PTPRD: variants seen among roughly 807,000 people sequenced by gnomAD.
PTPRD encodes the protein receptor-type tyrosine-protein phosphatase delta.
A neutral mutation model predicts 214.5 loss-of-function variants in PTPRD; 34 were observed. That is an observed-to-expected ratio of 0.16 (90% CI 0.12 to 0.21). PTPRD has a LOEUF of 0.21. Ranked by LOEUF, PTPRD falls within the 10% of genes least tolerant of loss-of-function variation. The probability of loss-of-function intolerance (pLI) is 1.00; values close to 1 mark genes in which losing one functional copy is unlikely to be tolerated. For missense variants in PTPRD, 2,545 were observed against 2,398.7 expected (o/e 1.06, Z -1.27); for synonymous variants, 1,128 against 845.7 (o/e 1.33, Z -5.79).
At chr9:10,201,595 T>A (rs2099422970) in intron 3 of PTPRD, among the ~76,000 whole-genome samples, 1 of 151,596 alleles carries the variant, frequency 6.6e-6, no homozygotes. Context: ...TGTGTGTGCA[T>A]GTGTGTGTGT....
chr9:10,567,852 C>G (rs1292867316), intron 2 of PTPRD, among the ~76,000 whole-genome samples: 1 of 151,392 alleles, frequency 6.6e-6, no homozygotes, highest in Non-Finnish European at 1.5e-5. Context: ...CATTAATTTT[C>G]ATTAAATTAT....
chr9:10,379,572 A>T (rs2097783899), intron 2 of PTPRD, among the ~76,000 whole-genome samples: 1 of 152,074 alleles, frequency 6.6e-6, no homozygotes, highest in South Asian at 2.1e-4. Flanking sequence ...ATACTATATT[A>T]CTAGCATGAA....
At chr9:9,855,118 G>C (rs946611168) in intron 5 of PTPRD, among the ~76,000 whole-genome samples, 1 of 152,156 alleles carries the variant, frequency 6.6e-6, no homozygotes, top group East Asian at 1.9e-4. Flanking sequence ...TCAACCTACT[G>C]TCATCATTCA....
intron 3 of PTPRD, among the ~76,000 whole-genome samples, chr9:10,285,540 C>T (rs1417366341): frequency 1.3e-5 from 2 of 151,634 alleles, no homozygotes; most frequent in Non-Finnish European, 2.9e-5. Flanking sequence ...TTGGGTTGAA[C>T]CCCAGTGCCA....
At chr9:8,641,471 G>C (rs2096574708) in intron 12 of PTPRD, among the ~76,000 whole-genome samples, 1 of 148,564 alleles carries the variant, frequency 6.7e-6, no homozygotes, top group Non-Finnish European at 1.5e-5. Flanking sequence ...TTGTGCTCAA[G>C]TTGGTTTTGA....
chr9:9,132,198 A>AG (rs35626371), intron 10 of PTPRD, among the ~76,000 whole-genome samples: 1 of 152,006 alleles, frequency 6.6e-6, no homozygotes, highest in Non-Finnish European at 1.5e-5. Context: ...TTTGGTAGAG[A>AG]GGGGGTTTCA....
intron 5 of PTPRD, among the ~76,000 whole-genome samples, chr9:9,898,787 C>T (rs1407791821): frequency 6.6e-6 from 1 of 152,038 alleles, no homozygotes; most frequent in Non-Finnish European, 1.5e-5. Context: ...GGTCCTCTGA[C>T]CTCCTTTATT....
chr9:10,297,387 T>C (rs2095711643), intron 3 of PTPRD, among the ~76,000 whole-genome samples: 1 of 151,978 alleles, frequency 6.6e-6, no homozygotes, highest in Non-Finnish European at 1.5e-5. Context: ...GTGGGAGGCA[T>C]AGACTTAGAC....
At chr9:10,012,903 G>A (rs974497091) in intron 4 of PTPRD, among the ~76,000 whole-genome samples, 1 of 151,786 alleles carries the variant, frequency 6.6e-6, no homozygotes, top group Admixed American at 6.6e-5. Context: ...TCAAATCAAT[G>A]AGCATGAGAT....
At chr9:9,764,324 C>T (rs555903603) in intron 6 of PTPRD, among the ~76,000 whole-genome samples, 1 of 152,102 alleles carries the variant, frequency 6.6e-6, no homozygotes, top group Non-Finnish European at 1.5e-5. Flanking sequence ...AAATCAAATG[C>T]ATTCAAAATA....
intron 39 of PTPRD, among the ~76,000 whole-genome samples, chr9:8,364,294 AC>A (rs1285817310): frequency 2.6e-5 from 4 of 152,244 alleles, no homozygotes; most frequent in Non-Finnish European, 5.9e-5. Context: ...TAAGCGTGTT[AC>A]ACAAAATGGA....
intron 5 of PTPRD, among the ~76,000 whole-genome samples, chr9:9,925,826 CTTTG>C (rs531590912): frequency 6.6e-5 from 10 of 151,732 alleles, no homozygotes; most frequent in African/African-American, 1.9e-4. Flanking sequence ...ACTAATCTCC[CTTTG>C]TTTGTTTGTT....
chr9:8,892,204 G>A (rs1236927077), intron 11 of PTPRD, among the ~76,000 whole-genome samples: 2 of 152,236 alleles, frequency 1.3e-5, no homozygotes, highest in East Asian at 3.9e-4. Context: ...AGCTTGTGAT[G>A]GAAATTTTGT....
At chr9:10,322,578 A>G (rs1383578892) in intron 3 of PTPRD, among the ~76,000 whole-genome samples, 1 of 152,054 alleles carries the variant, frequency 6.6e-6, no homozygotes, top group Non-Finnish European at 1.5e-5. Context: ...TTAATATATA[A>G]GTTTGCTATT....
At chr9:8,739,829 T>C (rs186703876) in intron 11 of PTPRD, among the ~76,000 whole-genome samples, 6 of 152,284 alleles carry the variant, frequency 3.9e-5, no homozygotes, top group Admixed American at 6.5e-5. Context: ...GCTGTTCCCA[T>C]GATAGTGAAT....
intron 2 of PTPRD, among the ~76,000 whole-genome samples, chr9:10,360,652 T>C (rs1053168366): frequency 1.3e-5 from 2 of 152,184 alleles, no homozygotes; most frequent in Admixed American, 6.5e-5. Context: ...TGAATCCCTT[T>C]AGATTCATAA....
Position 8,633,271 on chromosome 9 carries a change from G to C in PTPRD, c.352+46C>G, listed in dbSNP as rs202097630. The C allele has an allele frequency of 5.0e-6, 8 of 1,593,014 alleles. No homozygotes were observed. The African/African-American group carries it at 9.5e-5, about 19-fold the overall frequency. On this transcript the variant is annotated intron_variant, in intron 14 of 45. Transcript: ENST00000381196. Reference sequence around the variant, plus strand: ...TCAATGATGCTACAAAAGAGATACAGAATTGTAACAATGACACAAACGACA... The same window carrying C: ...TCAATGATGCTACAAAAGAGATACACAATTGTAACAATGACACAAACGACA...
chr9:8,693,148 G>A (rs1460033247), intron 12 of PTPRD, among the ~76,000 whole-genome samples: 1 of 152,182 alleles, frequency 6.6e-6, no homozygotes, highest in Non-Finnish European at 1.5e-5. Context: ...CCTGAAGGTT[G>A]AAGGTAAGTT....
chr9:10,145,033 A>C (rs1322457192), intron 3 of PTPRD, among the ~76,000 whole-genome samples: 2 of 152,070 alleles, frequency 1.3e-5, no homozygotes, highest in Non-Finnish European at 2.9e-5. Flanking sequence ...GAAAATAAAC[A>C]CACCGATTTT....
Sources: allele counts gnomAD v4.1 joint callset (sites outside exome capture counted in the v4.1 genomes callset), GRCh38; gene constraint gnomAD v4.1.1; transcripts MANE v1.5; gene names NCBI Gene and HGNC (gene_info 2026-07-23, HGNC 2026-07-21).